Variants in FAM81B observed in about 807,000 individuals in gnomAD.
FAM81B encodes protein FAM81B.
FAM81B carries 60 observed loss-of-function variants against 58.7 expected under a neutral mutation model. That is an observed-to-expected ratio of 1.02 (90% CI 0.83 to 1.27). The LOEUF (loss-of-function observed/expected upper bound fraction) is 1.27. Ranked by LOEUF, FAM81B falls within the 50% of genes most tolerant of loss-of-function variation. FAM81B has a pLI of 0.00. For synonymous variants in FAM81B, 189 were observed against 179.6 expected, an observed-to-expected ratio of 1.05 and a Z score of -0.42; for missense variants, 491 against 522.0, an observed-to-expected ratio of 0.94 and a Z score of 0.58.
chr5:95,407,406 ACACG>A (rs1377130492), intron 3 of FAM81B, among the ~76,000 whole-genome samples: 5 of 149,502 alleles, frequency 3.3e-5, no homozygotes, highest in African/African-American at 1.2e-4. Flanking sequence ...ACACACACAC[ACACG>A]CACACACACA....
At chr5:95,419,556 AC>A (rs1762624247) in intron 4 of FAM81B, among the ~76,000 whole-genome samples, 1 of 152,166 alleles carries the variant, frequency 6.6e-6, no homozygotes, top group African/African-American at 2.4e-5. Flanking sequence ...ATAAATGGGT[AC>A]AAAAAGTTAA....
intron 4 of FAM81B, among the ~76,000 whole-genome samples, chr5:95,416,302 C>T (rs1177960841): frequency 6.6e-6 from 1 of 152,158 alleles, no homozygotes; most frequent in Non-Finnish European, 1.5e-5. Context: ...TGAGCTAAAG[C>T]TTGACACAGG....
intron 7 of FAM81B, chr5:95,440,166 C>T (rs2152769574): frequency 1.7e-6 from 1 of 593,402 alleles, no homozygotes; most frequent in South Asian, 1.5e-5. Context: ...CTCAGAGGTG[C>T]TGACAAGTCC....
chr5:95,424,961 A>T (rs955155166), intron 5 of FAM81B, among the ~76,000 whole-genome samples: 1 of 152,180 alleles, frequency 6.6e-6, no homozygotes, highest in African/African-American at 2.4e-5. Context: ...TATGAAGATT[A>T]ATCTACTTTA....
intron 2 of FAM81B, among the ~76,000 whole-genome samples, chr5:95,395,632 A>AATGTTGG (rs2152760012): frequency 6.6e-6 from 1 of 152,250 alleles, no homozygotes; most frequent in African/African-American, 2.4e-5. Flanking sequence ...AGCTATACTT[A>AATGTTGG]ATGTTGGTAA....
At chr5:95,401,498 G>T (rs1316646961) in intron 3 of FAM81B, among the ~76,000 whole-genome samples, 2 of 152,036 alleles carry the variant, frequency 1.3e-5, no homozygotes, top group Non-Finnish European at 2.9e-5. Flanking sequence ...AGAAACTATA[G>T]AAAATGTTTT....
At chr5:95,400,547 A>C (rs1410961929) in intron 3 of FAM81B, among the ~76,000 whole-genome samples, 1 of 152,154 alleles carries the variant, frequency 6.6e-6, no homozygotes, top group African/African-American at 2.4e-5. Context: ...TTATATCTGC[A>C]AGACCCAATT....
At chr5:95,446,253 G>A (rs980810919) in intron 7 of FAM81B, among the ~76,000 whole-genome samples, 1 of 152,190 alleles carries the variant, frequency 6.6e-6, no homozygotes, top group Non-Finnish European at 1.5e-5. Flanking sequence ...GCCATGAGAG[G>A]AATTCTGCAT....
intron 3 of FAM81B, among the ~76,000 whole-genome samples, chr5:95,406,600 T>C (rs922083165): frequency 1.3e-5 from 2 of 152,038 alleles, no homozygotes; most frequent in African/African-American, 2.4e-5. Context: ...CTCCCAACAG[T>C]TGGGGGGTAT....
chr5:95,442,688 G>A (rs569385570), intron 7 of FAM81B, among the ~76,000 whole-genome samples: 5 of 152,292 alleles, frequency 3.3e-5, no homozygotes, highest in Non-Finnish European at 7.4e-5. Flanking sequence ...AGAAACAAAA[G>A]TCTTTCTATC....
chr5:95,404,769 C>T (rs1276897981), intron 3 of FAM81B, among the ~76,000 whole-genome samples: 3 of 152,160 alleles, frequency 2.0e-5, no homozygotes, highest in African/African-American at 7.2e-5. Flanking sequence ...AGAAAAGTGC[C>T]TCACATAGGG....
chr5:95,434,615 T>G (rs954935973), intron 6 of FAM81B, among the ~76,000 whole-genome samples: 13 of 152,148 alleles, frequency 8.5e-5, no homozygotes, highest in African/African-American at 3.1e-4. Flanking sequence ...GGCATGGACA[T>G]CTTTTCGAGC....
At chr5:95,410,020 A>G (rs1319529635) in intron 3 of FAM81B, among the ~76,000 whole-genome samples, 1 of 152,226 alleles carries the variant, frequency 6.6e-6, no homozygotes, top group Non-Finnish European at 1.5e-5. Context: ...AACAAAACAA[A>G]ATAAGGTATA....
intron 3 of FAM81B, among the ~76,000 whole-genome samples, chr5:95,412,140 G>A (rs934713637): frequency 7.1e-6 from 1 of 141,128 alleles, no homozygotes; most frequent in Admixed American, 7.0e-5. Context: ...GCAATGAATT[G>A]CTGCTTTTTT....
chr5:95,447,383 A>G (rs1745619355), intron 8 of FAM81B, among the ~76,000 whole-genome samples: 1 of 152,236 alleles, frequency 6.6e-6, no homozygotes, highest in Non-Finnish European at 1.5e-5. Flanking sequence ...CTGAGTTTGT[A>G]AACAGCTGAT....
intron 4 of FAM81B, among the ~76,000 whole-genome samples, chr5:95,415,694 CA>C (rs1476531278): frequency 3.3e-5 from 5 of 152,166 alleles, no homozygotes; most frequent in Admixed American, 2.6e-4. Flanking sequence ...ATTTAGGAGT[CA>C]AAACTTCTTG....
At position 95,426,088 on chromosome 5, in the gene FAM81B, C is replaced by CTG. The variant is rs77896259; in HGVS notation, c.657-2509_657-2508dup. Among the ~76,000 whole-genome samples, 72 of 90,270 alleles carry CTG rather than the reference C, an allele frequency of 8.0e-4. 1 individual carries two copies. The highest frequency in any genetic ancestry group is 2.3e-3 in the Admixed American group (19 of 8,204). 59.2% of individuals were successfully genotyped at this position (90,270 alleles called of 152,430 possible). On this transcript the variant is annotated intron_variant, in intron 5 of 9. Coordinates refer to ENST00000283357, the MANE Select transcript of FAM81B (RefSeq NM_152548.3). Reference sequence around the variant, plus strand: ...TCTAAATTATGTTTTCTTCCTATCTCTGTGTGTATATATATATATATATAT... The same window carrying CTG: ...TCTAAATTATGTTTTCTTCCTATCTCTGTGTGTGTATATATATATATATATAT...
chr5:95,407,162 G>A (rs1174880213), intron 3 of FAM81B, among the ~76,000 whole-genome samples: 7 of 152,054 alleles, frequency 4.6e-5, no homozygotes, highest in Admixed American at 4.6e-4. Flanking sequence ...CCAGACAGTT[G>A]AAGTATGTGG....
At chr5:95,419,858 T>C (rs1762631303) in intron 4 of FAM81B, among the ~76,000 whole-genome samples, 1 of 152,248 alleles carries the variant, frequency 6.6e-6, no homozygotes, top group African/African-American at 2.4e-5. Flanking sequence ...TTTCCAAACT[T>C]ATGGCACCAA....
Sources: gnomAD v4.1 joint callset for allele counts (sites outside exome capture counted in the v4.1 genomes callset) on GRCh38, gnomAD v4.1.1 for gene constraint, MANE v1.5 for transcripts, NCBI Gene and HGNC (gene_info 2026-07-23, HGNC 2026-07-21) for gene names.